Variants in CSMD1 observed in about 807,000 individuals in gnomAD.
CSMD1 encodes CUB and sushi domain-containing protein 1.
CSMD1 carries 213 observed loss-of-function variants against 417.5 expected under a neutral mutation model. The ratio of observed to expected loss-of-function variants is 0.51; its 90% CI spans 0.46 to 0.57. CSMD1 has a LOEUF of 0.57. Ranked by LOEUF, CSMD1 falls within the 20% of genes least tolerant of loss-of-function variation. CSMD1 has a pLI of 0.00. For synonymous variants in CSMD1, 2,862 were observed against 1,736.8 expected, an observed-to-expected ratio of 1.65 and a Z score of -16.11; for missense variants, 6,923 against 4,529.7, an observed-to-expected ratio of 1.53 and a Z score of -15.17.
At chr8:4,836,820 A>T (rs1373540751) in intron 1 of CSMD1, among the ~76,000 whole-genome samples, 1 of 152,022 alleles carries the variant, frequency 6.6e-6, no homozygotes, top group Non-Finnish European at 1.5e-5. Context: ...TGTTAGTTTC[A>T]GCCAAGAAAA....
chr8:4,105,919 A>C (rs1317411422), intron 3 of CSMD1, among the ~76,000 whole-genome samples: 1 of 152,208 alleles, frequency 6.6e-6, no homozygotes, highest in African/African-American at 2.4e-5. Context: ...GCTTCAGCCC[A>C]AGGTTCGGTG....
intron 3 of CSMD1, among the ~76,000 whole-genome samples, chr8:4,294,636 A>G (rs1473782423): frequency 1.3e-5 from 2 of 152,176 alleles, no homozygotes; most frequent in Non-Finnish European, 2.9e-5. Flanking sequence ...ACAACTTGAT[A>G]GAAAGTTATA....
intron 1 of CSMD1, among the ~76,000 whole-genome samples, chr8:4,745,801 G>A (rs1487981143): frequency 6.6e-6 from 1 of 152,114 alleles, no homozygotes; most frequent in East Asian, 1.9e-4. Flanking sequence ...CAAGTACAGT[G>A]AGATGCTAGT....
At chr8:3,303,799 C>T (rs1458238662) in intron 25 of CSMD1, among the ~76,000 whole-genome samples, 2 of 152,198 alleles carry the variant, frequency 1.3e-5, no homozygotes, top group Non-Finnish European at 2.9e-5. Context: ...AAATAACTTT[C>T]AATGGGGCTA....
intron 3 of CSMD1, among the ~76,000 whole-genome samples, chr8:4,075,788 G>A (rs985496281): frequency 1.3e-5 from 2 of 152,116 alleles, no homozygotes; most frequent in African/African-American, 4.8e-5. Flanking sequence ...TTCTCAAGAG[G>A]TTGTGATGAC....
chr8:3,464,580 A>T (rs1367669982), intron 12 of CSMD1, among the ~76,000 whole-genome samples: 2 of 149,842 alleles, frequency 1.3e-5, no homozygotes, highest in African/African-American at 4.9e-5. Flanking sequence ...TGATTTATAA[A>T]TATATAAATA....
At chr8:4,828,520 C>A (rs905126857) in intron 1 of CSMD1, among the ~76,000 whole-genome samples, 1 of 152,084 alleles carries the variant, frequency 6.6e-6, no homozygotes, top group African/African-American at 2.4e-5. Context: ...CCTATTGGTC[C>A]TTTATTGCCT....
intron 2 of CSMD1, among the ~76,000 whole-genome samples, chr8:4,564,236 G>C (rs1166376959): frequency 6.6e-6 from 1 of 152,124 alleles, no homozygotes. Context: ...AGGAAAACAA[G>C]CACAATATCC....
At chr8:4,268,682 A>G (rs991011477) in intron 3 of CSMD1, among the ~76,000 whole-genome samples, 10 of 152,190 alleles carry the variant, frequency 6.6e-5, no homozygotes, top group Admixed American at 1.3e-4. Flanking sequence ...AATAAGGAAG[A>G]TATATGTGTA....
intron 5 of CSMD1, among the ~76,000 whole-genome samples, chr8:3,811,135 C>T (rs1414270823): frequency 6.6e-6 from 1 of 152,112 alleles, no homozygotes; most frequent in Non-Finnish European, 1.5e-5. Context: ...GTCCATAACT[C>T]CTCTATGATA....
chr8:3,539,940 G>A (rs1034223435), intron 10 of CSMD1, among the ~76,000 whole-genome samples: 1 of 152,118 alleles, frequency 6.6e-6, no homozygotes, highest in Non-Finnish European at 1.5e-5. Context: ...TAACTTCTCT[G>A]TTTCCCATAA....
At chr8:3,529,645 T>G (rs890381988) in intron 10 of CSMD1, among the ~76,000 whole-genome samples, 1 of 152,202 alleles carries the variant, frequency 6.6e-6, no homozygotes, top group Admixed American at 6.5e-5. Flanking sequence ...AGTGTTTGCT[T>G]TGAGGAAGAG....
chr8:4,410,553 T>C (rs904250259), intron 3 of CSMD1, among the ~76,000 whole-genome samples: 1 of 152,236 alleles, frequency 6.6e-6, no homozygotes, highest in African/African-American at 2.4e-5. Flanking sequence ...CTCTCATTTT[T>C]GCTTATTGAA....
chr8:3,849,011 G>C lies in CSMD1; in HGVS notation c.819-94969C>G, dbSNP rs528088396. On this transcript the variant is annotated intron_variant, in intron 5 of 69. Coordinates refer to ENST00000635120, the MANE Select transcript of CSMD1 (RefSeq NM_033225.6). ...TATAATAATGGACTTTCATACAGAA[G>C]GTTCTCTGCTCATATAAACTTAAAC... Among the ~76,000 whole-genome samples, 6 of 151,846 alleles carry C rather than the reference G, an allele frequency of 4.0e-5. No individual in the cohort carries two copies. The South Asian group carries it at 1.2e-3, about 32-fold the overall frequency.
Position 4,154,425 on chromosome 8 carries a change from C to G in CSMD1, c.416-122326G>C, listed in dbSNP as rs117876484. On this transcript the variant is annotated intron_variant, in intron 3 of 69. Transcript: ENST00000635120. Reference sequence around the variant, plus strand: ...ATAGACAAAGGCATTTAGCAGATGCCACTTTATTGCCTCAAAGAGCTGAAA... The same window carrying G: ...ATAGACAAAGGCATTTAGCAGATGCGACTTTATTGCCTCAAAGAGCTGAAA... 3.1e-3 allele frequency among the ~76,000 whole-genome samples: 465 copies of G among 152,218 alleles called. 1 individual carries two copies. Among genetic ancestry groups the G allele is most frequent in the Admixed American group, 5.8e-3 (88 of 15,292 alleles).
rs772339114 is a variant in CSMD1, at chr8:3,408,248, T to C, written c.1745-23A>G. The C allele has an allele frequency of 1.8e-5, 28 of 1,548,032 alleles. 2 individuals are homozygous for C. The Admixed American group carries it at 4.6e-4, about 25-fold the overall frequency. On this transcript the variant is annotated intron_variant, in intron 13 of 69. Transcript: ENST00000635120. The stretch of plus-strand genomic sequence containing the variant: ...AAACTGTGAAGATGCAAATATATTT[T>C]CAAACAGTTATGCACATATCCAAAG...
At chr8:4,426,428 CAT>C (rs1224230588) in intron 2 of CSMD1, among the ~76,000 whole-genome samples, 2 of 148,250 alleles carry the variant, frequency 1.3e-5, no homozygotes, top group African/African-American at 4.9e-5. Flanking sequence ...ATATCATAAA[CAT>C]ATACTATATA....
At chr8:3,976,060 A>C (rs962509220) in intron 5 of CSMD1, among the ~76,000 whole-genome samples, 1 of 152,034 alleles carries the variant, frequency 6.6e-6, no homozygotes, top group African/African-American at 2.4e-5. Context: ...TCTGTATTTG[A>C]TATGTTAAAT....
intron 48 of CSMD1, among the ~76,000 whole-genome samples, chr8:3,090,094 C>G (rs1266437052): frequency 6.6e-6 from 1 of 151,660 alleles, no homozygotes; most frequent in Non-Finnish European, 1.5e-5. Flanking sequence ...GCGGCCGGAT[C>G]ACAAGGTCAG....
Sources: gnomAD v4.1 joint callset for allele counts (sites outside exome capture counted in the v4.1 genomes callset) on GRCh38, gnomAD v4.1.1 for gene constraint, MANE v1.5 for transcripts, NCBI Gene and HGNC (gene_info 2026-07-23, HGNC 2026-07-21) for gene names.